The following VIT variants were observed in gnomAD, a reference collection of about 807,000 sequenced individuals.
VIT encodes the protein vitrin.
In VIT, 99 loss-of-function variants were observed where a neutral mutation model predicts 78.0. The observed-to-expected ratio is 1.27, with a 90% CI of 1.08 to 1.50. VIT has a LOEUF of 1.50. Ranked by LOEUF, VIT falls within the 40% of genes most tolerant of loss-of-function variation. The pLI is 0.00. For synonymous variants in VIT, 374 were observed against 334.3 expected (o/e 1.12, Z -1.29); for missense variants, 1,126 against 875.3 (o/e 1.29, Z -3.61).
intron 9 of VIT, among the ~76,000 whole-genome samples, chr2:36,776,900 T>C (rs529384803): frequency 6.6e-5 from 10 of 151,182 alleles, no homozygotes; most frequent in South Asian, 4.2e-4. Flanking sequence ...CCATCCCGGC[T>C]AACACGGTGA....
rs192401935 is a variant in VIT, at chr2:36,790,059, T to A, written c.1058+2783T>A. 1.7e-4 allele frequency among the ~76,000 whole-genome samples: 26 copies of A among 152,210 alleles called. No individual in the cohort carries two copies. The East Asian group carries it at 4.8e-3, about 28-fold the overall frequency. On this transcript the variant is annotated intron_variant, in intron 12 of 15. Transcript: ENST00000379242. ...AAATTTAGAACTTGAAAGACAAATT[T>A]AGAAGTTAAAAGACTCATACTAAAT...
chr2:36,730,961 A>AGGG (rs1667166531), intron 3 of VIT, among the ~76,000 whole-genome samples: 12 of 152,228 alleles, frequency 7.9e-5, no homozygotes, highest in Admixed American at 7.9e-4. Context: ...AAAACCAATT[A>AGGG]GGAAAAGGGT....
intron 14 of VIT, 70 bp downstream of exon 14, chr2:36,805,734 C>T: frequency 6.7e-6 from 10 of 1,502,974 alleles, no homozygotes; most frequent in Middle Eastern, 2.1e-4. Flanking sequence ...AACGCCGTTG[C>T]AGTGGTTTTC....
intron 9 of VIT, 85 bp from the exon 10 acceptor site, chr2:36,781,642 C>T: frequency 1.3e-6 from 2 of 1,498,530 alleles, no homozygotes; most frequent in South Asian, 2.3e-5. Flanking sequence ...AATTGGGAAA[C>T]CTTATCATCC....
intron 3 of VIT, among the ~76,000 whole-genome samples, chr2:36,741,478 T>G (rs1667831222): frequency 6.6e-6 from 1 of 152,120 alleles, no homozygotes; most frequent in African/African-American, 2.4e-5. Context: ...GTAGCAAAGA[T>G]TGTCTGGGAT....
intron 7 of VIT, among the ~76,000 whole-genome samples, chr2:36,771,678 G>A (rs1297010395): frequency 6.6e-6 from 1 of 152,140 alleles, no homozygotes; most frequent in East Asian, 1.9e-4. Context: ...GTGGAGAAAT[G>A]ACCCAGAATT....
At chr2:36,742,959 C>G (rs1276880643) in intron 3 of VIT, 141 bp from the exon 4 acceptor site, 1 of 1,019,316 alleles carries the variant, frequency 9.8e-7, no homozygotes, top group Non-Finnish European at 1.4e-6. Context: ...TACATCTTTG[C>G]TTTCATTATA....
In VIT at chr2:36,800,046, C is replaced by CAAA. The variant is rs754185532; in HGVS notation, c.1059-1240_1059-1238dup. On this transcript the variant is annotated intron_variant, in intron 12 of 15. Coordinates refer to ENST00000379242, the MANE Select transcript of VIT (RefSeq NM_053276.4). Reference sequence around the variant, plus strand: ...CTGGAGACACAGCGAGACTCCGTCTCAAAAAAAAAAAAAAAAATGGCCGGG... The same window carrying CAAA: ...CTGGAGACACAGCGAGACTCCGTCTCAAAAAAAAAAAAAAAAAAAATGGCCGGG... Among the ~76,000 whole-genome samples the CAAA allele has an allele frequency of 1.4e-3, 123 of 89,356 alleles. No individual in the cohort carries two copies. In the South Asian group the frequency reaches 0.02, roughly 14 times the overall value. The allele number at this position is 89,356 out of a possible 152,430, so 58.6% of individuals were successfully genotyped here.
At chr2:36,779,441 C>A (rs915116336) in intron 9 of VIT, among the ~76,000 whole-genome samples, 1 of 152,178 alleles carries the variant, frequency 6.6e-6, no homozygotes, top group Non-Finnish European at 1.5e-5. Flanking sequence ...CATTCAGAAC[C>A]AATATACCTT....
chr2:36,784,348 G>C (rs538289829), intron 11 of VIT, among the ~76,000 whole-genome samples: 1 of 152,156 alleles, frequency 6.6e-6, no homozygotes, highest in Non-Finnish European at 1.5e-5. Context: ...TACTGTATCA[G>C]GTTCTCCCTA....
intron 11 of VIT, 135 bp from the exon 12 acceptor site, chr2:36,786,994 C>G: frequency 1.3e-5 from 14 of 1,099,948 alleles, no homozygotes; most frequent in Non-Finnish European, 1.8e-5. Flanking sequence ...ATAAATATAC[C>G]CTGCATCTTC....
At chr2:36,712,988 C>T (rs1665899863) in intron 1 of VIT, among the ~76,000 whole-genome samples, 1 of 152,138 alleles carries the variant, frequency 6.6e-6, no homozygotes, top group Non-Finnish European at 1.5e-5. Flanking sequence ...ACTGAGCACC[C>T]AAAAACTCAA....
intron 15 of VIT, among the ~76,000 whole-genome samples, chr2:36,813,484 A>T (rs1017592402): frequency 6.6e-6 from 1 of 152,056 alleles, no homozygotes; most frequent in Non-Finnish European, 1.5e-5. Context: ...GCACTTTTTC[A>T]TGTTCATCTT....
intron 5 of VIT, among the ~76,000 whole-genome samples, chr2:36,758,677 C>A (rs997167711): frequency 6.6e-6 from 1 of 152,228 alleles, no homozygotes; most frequent in Non-Finnish European, 1.5e-5. Context: ...CAGATAAAAA[C>A]CTTCACTTCC....
chr2:36,789,536 G>T (rs546660246), intron 12 of VIT, among the ~76,000 whole-genome samples: 1 of 152,262 alleles, frequency 6.6e-6, no homozygotes, highest in Non-Finnish European at 1.5e-5. Flanking sequence ...AGGGCGGCCC[G>T]AGAAGGGTAT....
At chr2:36,708,110 T>TTCC (rs1665552765) in intron 1 of VIT, among the ~76,000 whole-genome samples, 1 of 137,788 alleles carries the variant, frequency 7.3e-6, no homozygotes, top group Non-Finnish European at 1.6e-5. Flanking sequence ...GTAAAGGACC[T>TTCC]CCCCCCCCCG....
intron 14 of VIT, among the ~76,000 whole-genome samples, chr2:36,806,222 C>CG (rs1558591752): frequency 6.6e-6 from 1 of 152,170 alleles, no homozygotes; most frequent in Non-Finnish European, 1.5e-5. Context: ...TGGAACACCA[C>CG]ATAAAACTTC....
At chr2:36,800,690 T>C (rs1360456830) in intron 12 of VIT, among the ~76,000 whole-genome samples, 1 of 152,194 alleles carries the variant, frequency 6.6e-6, no homozygotes, top group African/African-American at 2.4e-5. Flanking sequence ...TAGAGAGGGA[T>C]TCTTACTGTG....
chr2:36,743,012 T>C, intron 3 of VIT, 88 bp from the exon 4 acceptor site: 2 of 1,540,402 alleles, frequency 1.3e-6, no homozygotes, highest in Non-Finnish European at 1.8e-6. Context: ...CTTTTAGAGA[T>C]TAAGTCAATA....
Sources: gnomAD v4.1 joint callset for allele counts (sites outside exome capture counted in the v4.1 genomes callset) on GRCh38, gnomAD v4.1.1 for gene constraint, MANE v1.5 for transcripts, NCBI Gene and HGNC (gene_info 2026-07-23, HGNC 2026-07-21) for gene names.